Variants in KCNQ1OT1 observed in about 807,000 individuals in gnomAD.
KCNQ1OT1 encodes KCNQ1 opposite strand/antisense transcript 1, also known as KCNQ1 antisense RNA 2 (non-protein coding).
Position 2,683,967 on chromosome 11 carries a change from T to G in KCNQ1OT1, n.16028A>C, listed in dbSNP as rs1850442408. 1.3e-5 allele frequency: 5 copies of G among 398,384 alleles called. No homozygotes were observed. The highest frequency in any genetic ancestry group is 2.1e-5 in the African/African-American group (1 of 48,564). 24.7% of individuals were successfully genotyped at this position (398,384 alleles called of 1,614,324 possible). On this transcript the variant is annotated non_coding_transcript_exon_variant, in exon 1 of 1. Transcript: ENST00000597346. This position sits in a 1 kb window ranked among gnomAD's most constrained non-coding sequence, Gnocchi z 4.7. ...ACCAGCTGACTGCTTTTACTTTTTT[T>G]TTTTTTTCATTTAGAAGAATTTCCT...
At chr11:2,646,518 G>T in exon 1 of KCNQ1OT1, 2 of 398,568 alleles carry the variant, frequency 5.0e-6, no homozygotes, top group South Asian at 2.5e-4. Context: ...AAATGCTACT[G>T]ATTTTTTGGG....
At chr11:2,672,437 C>G (rs1158232247) in exon 1 of KCNQ1OT1, 2 of 398,500 alleles carry the variant, frequency 5.0e-6, no homozygotes, top group Non-Finnish European at 8.8e-6. Context: ...ACCCCAGGGG[C>G]TCTGAAGAGC....
exon 1 of KCNQ1OT1, chr11:2,619,387 GTTCAAC>G: frequency 5.0e-6 from 2 of 398,532 alleles, no homozygotes; most frequent in South Asian, 1.3e-4. Context: ...AACAAAGGAT[GTTCAAC>G]TTCATCAAAT....
rs1849951608 is a variant in KCNQ1OT1, at chr11:2,661,296, T to A, written n.38699A>T. 2.5e-6 allele frequency: 1 copy of A among 400,728 alleles called. No homozygotes were observed. The allele number at this position is 400,728 out of a possible 1,614,324, so 24.8% of individuals were successfully genotyped here. A position where few individuals can be genotyped will look rare whatever the true frequency, so the allele number is the denominator to read the frequency against. ...ATAAGCCAAGAGCAAATACTGATAG[T>A]GTCAACAGAGAGTGGGGAGTGATAA... On this transcript the variant is annotated non_coding_transcript_exon_variant, in exon 1 of 1. Transcript: ENST00000597346. The surrounding 1 kb of genome is among the most constrained non-coding windows in gnomAD (Gnocchi z 5.9).
Position 2,663,579 on chromosome 11 carries a change from T to G in KCNQ1OT1, n.36416A>C. 2.5e-6 allele frequency: 1 copy of G among 398,678 alleles called. No individual in the cohort carries two copies. The highest frequency in any genetic ancestry group is 1.3e-4 in the South Asian group (1 of 7,832). 24.7% of individuals were successfully genotyped at this position (398,678 alleles called of 1,614,324 possible). A position where few individuals can be genotyped will look rare whatever the true frequency, so the allele number is the denominator to read the frequency against. ...CCTTCTGGCTGCTTGCTTCTCCTGTTGGAGCTCTCGCTCACCTTGGTTCTC... is the reference window on the plus strand; with the variant it reads ...CCTTCTGGCTGCTTGCTTCTCCTGTGGGAGCTCTCGCTCACCTTGGTTCTC... On this transcript the variant is annotated non_coding_transcript_exon_variant, in exon 1 of 1. Coordinates refer to ENST00000597346, the Ensembl canonical transcript of KCNQ1OT1. The surrounding 1 kb of genome is among the most constrained non-coding windows in gnomAD (Gnocchi z 5.2).
exon 1 of KCNQ1OT1, chr11:2,622,056 T>C (rs1164659092): frequency 5.1e-6 from 2 of 393,804 alleles, no homozygotes; most frequent in East Asian, 3.6e-5. Context: ...GTTTTGCTTT[T>C]GGTATGTTGT....
In KCNQ1OT1 at chr11:2,676,772, C is replaced by A. The variant is rs1457423566; in HGVS notation, n.23223G>T. On this transcript the variant is annotated non_coding_transcript_exon_variant, in exon 1 of 1. Coordinates refer to ENST00000597346, the Ensembl canonical transcript of KCNQ1OT1. This position sits in a 1 kb window ranked among gnomAD's most constrained non-coding sequence, Gnocchi z 4.2. ...TCTGCTGTATGAAGCAACCCTAGGA[C>A]ATTTGAAGAGAATGGAGTGATGGCC... is the stretch of plus-strand genomic sequence containing the variant. 2.5e-6 allele frequency: 1 copy of A among 398,582 alleles called. No homozygotes were observed. The allele number at this position is 398,582 out of a possible 1,614,324, so 24.7% of individuals were successfully genotyped here. A position where few individuals can be genotyped will look rare whatever the true frequency, so the allele number is the denominator to read the frequency against.
exon 1 of KCNQ1OT1, chr11:2,622,086 T>C: frequency 2.5e-6 from 1 of 398,390 alleles, no homozygotes; most frequent in Non-Finnish European, 4.4e-6. Context: ...GTCATTTGTC[T>C]GAAGATATTT....
exon 1 of KCNQ1OT1, chr11:2,665,135 A>G (rs1850042419): frequency 7.5e-6 from 3 of 398,448 alleles, no homozygotes; most frequent in Non-Finnish European, 1.3e-5. Flanking sequence ...GGTGGGCCCT[A>G]CTGCTCAGCC....
At chr11:2,694,275 G>A in exon 1 of KCNQ1OT1, 1 of 398,684 alleles carries the variant, frequency 2.5e-6, no homozygotes, top group Non-Finnish European at 4.4e-6. Context: ...AGCCACAGCA[G>A]AGACACCATC....
chr11:2,655,256 A>G (rs1170338383), exon 1 of KCNQ1OT1: 1 of 398,530 alleles, frequency 2.5e-6, no homozygotes. Context: ...CAGACCTCCC[A>G]CTTTCCTAGA....
chr11:2,635,539 A>G lies in KCNQ1OT1; in HGVS notation n.64456T>C, dbSNP rs536757049. On this transcript the variant is annotated non_coding_transcript_exon_variant, in exon 1 of 1. Coordinates refer to ENST00000597346, the Ensembl canonical transcript of KCNQ1OT1. ...GGGCTCTGTTCTGTTCCATTGGTCT[A>G]TATCTCTGTTTTGGTACCAGTACCA... The G allele has an allele frequency of 1.2e-3, 186 of 152,226 alleles. 1 individual carries two copies. Among genetic ancestry groups the G allele is most frequent in the African/African-American group, 4.2e-3 (175 of 41,546 alleles). The allele number at this position is 152,226 out of a possible 1,614,324, so 9.4% of individuals were successfully genotyped here.
chr11:2,613,040 T>C lies in KCNQ1OT1; in HGVS notation n.86955A>G, dbSNP rs1013735996. On this transcript the variant is annotated non_coding_transcript_exon_variant, in exon 1 of 1. Coordinates refer to ENST00000597346, the Ensembl canonical transcript of KCNQ1OT1. This position sits in a 1 kb window ranked among gnomAD's most constrained non-coding sequence, Gnocchi z 4.8. The stretch of plus-strand genomic sequence containing the variant: ...TGTTTGTTTTGTAAGCCTGGCTTCA[T>C]TGGTGTCACCCCTGGATCAGCATAA... 5 of 398,522 alleles carry C rather than the reference T, an allele frequency of 1.3e-5. No individual in the cohort carries two copies. Among genetic ancestry groups the C allele is most frequent in the Non-Finnish European group, 2.2e-5 (5 of 226,088 alleles). The allele number at this position is 398,522 out of a possible 1,614,324, so 24.7% of individuals were successfully genotyped here. A position where few individuals can be genotyped will look rare whatever the true frequency, so the allele number is the denominator to read the frequency against.
At position 2,674,033 on chromosome 11, in the gene KCNQ1OT1, T is replaced by C. The variant is rs1213244694; in HGVS notation, n.25962A>G. 2.5e-6 allele frequency: 1 copy of C among 398,078 alleles called. No individual in the cohort carries two copies. The highest frequency in any genetic ancestry group is 4.4e-6 in the Non-Finnish European group (1 of 225,946). The allele number at this position is 398,078 out of a possible 1,614,324, so 24.7% of individuals were successfully genotyped here. A position where few individuals can be genotyped will look rare whatever the true frequency, so the allele number is the denominator to read the frequency against. ...GCTTTCTGGCTCTTTGGGCCTGGGGTGCAGCCCCTCATTTGTACTTGCTGG... is the reference window on the plus strand; with the variant it reads ...GCTTTCTGGCTCTTTGGGCCTGGGGCGCAGCCCCTCATTTGTACTTGCTGG... On this transcript the variant is annotated non_coding_transcript_exon_variant, in exon 1 of 1. Coordinates refer to ENST00000597346, the Ensembl canonical transcript of KCNQ1OT1. This position sits in a 1 kb window ranked among gnomAD's most constrained non-coding sequence, Gnocchi z 5.9.
At chr11:2,681,619 A>ACCCAACCTCC in exon 1 of KCNQ1OT1, 1 of 91,188 alleles carries the variant, frequency 1.1e-5, no homozygotes, top group Non-Finnish European at 2.1e-5. Context: ...CCCCACCCCC[A>ACCCAACCTCC]CCCAACCTCC....
chr11:2,609,973 C>T (rs1316758477), exon 1 of KCNQ1OT1: 4 of 397,736 alleles, frequency 1.0e-5, no homozygotes, highest in African/African-American at 8.2e-5. Context: ...CTGATAATTC[C>T]TGCCTTTGAT....
At chr11:2,699,468 C>T (rs1850737002) in exon 1 of KCNQ1OT1, 3 of 382,134 alleles carry the variant, frequency 7.9e-6, no homozygotes, top group Admixed American at 9.2e-5. Context: ...CGGGAGAGTG[C>T]CGCGCTGAGG....
exon 1 of KCNQ1OT1, chr11:2,622,427 T>C (rs1411936455): frequency 7.5e-6 from 3 of 398,304 alleles, no homozygotes; most frequent in Admixed American, 8.8e-5. Context: ...ACTTTCAATC[T>C]ACTTGTGTCT....
chr11:2,653,384 G>GA lies in KCNQ1OT1; in HGVS notation n.46610dup. On this transcript the variant is annotated non_coding_transcript_exon_variant, in exon 1 of 1. Coordinates refer to ENST00000597346, the Ensembl canonical transcript of KCNQ1OT1. The surrounding 1 kb of genome is among the most constrained non-coding windows in gnomAD (Gnocchi z 5.3). ...CAACTTTGTCATGCACATTCCTGAA[G>GA]ACTCTCTTGGTAACAAATGATGGAA... 1 of 398,722 alleles carries GA rather than the reference G, an allele frequency of 2.5e-6. No individual in the cohort carries two copies. The allele number at this position is 398,722 out of a possible 1,614,324, so 24.7% of individuals were successfully genotyped here.
Sources: allele counts gnomAD v4.1 joint callset, GRCh38; gene constraint gnomAD v4.1.1; non-coding constraint Gnocchi (gnomAD v3.1); transcripts MANE v1.5; gene names NCBI Gene and HGNC (gene_info 2026-07-23, HGNC 2026-07-21).